The following ROS1 variants were observed in gnomAD, a reference collection of about 807,000 sequenced individuals.
ROS1 encodes proto-oncogene tyrosine-protein kinase ROS.
In ROS1, 263 loss-of-function variants were observed where a neutral mutation model predicts 273.5. That is an observed-to-expected ratio of 0.96 (90% CI 0.87 to 1.06). The LOEUF (loss-of-function observed/expected upper bound fraction) is 1.06, where lower values mean the gene tolerates loss of function less well. Among genes scored for constraint, ROS1 ranks in the 50% least tolerant of loss-of-function variants. ROS1 has a pLI of 0.00. For missense variants in ROS1, 2,833 were observed against 2,751.1 expected (o/e 1.03, Z -0.67); for synonymous variants, 1,008 against 954.1 (o/e 1.06, Z -1.04).
intron 16 of ROS1, 99 bp from the exon 17 acceptor site, chr6:117,383,607 T>G: frequency 3.2e-6 from 3 of 933,622 alleles, no homozygotes; most frequent in Non-Finnish European, 5.1e-6. Flanking sequence ...GATTAATCAT[T>G]CATTCATTCA....
At chr6:117,395,593 T>G (rs1773427233) in intron 9 of ROS1, among the ~76,000 whole-genome samples, 1 of 152,176 alleles carries the variant, frequency 6.6e-6, no homozygotes, top group South Asian at 2.1e-4. Context: ...CCAGTACTTC[T>G]TAGAAAGCAT....
chr6:117,331,150 G>A (rs534122328), intron 32 of ROS1, among the ~76,000 whole-genome samples: 23 of 152,226 alleles, frequency 1.5e-4, no homozygotes, highest in Middle Eastern at 6.8e-3. Context: ...AACACAAATG[G>A]CCTGATGGGG....
intron 18 of ROS1, among the ~76,000 whole-genome samples, chr6:117,371,545 A>C (rs1780771299): frequency 6.6e-6 from 1 of 152,152 alleles, no homozygotes; most frequent in African/African-American, 2.4e-5. Flanking sequence ...CTTTGTAAAA[A>C]TTTAAACCGA....
At chr6:117,370,215 T>C (rs1486691337) in intron 18 of ROS1, among the ~76,000 whole-genome samples, 1 of 152,242 alleles carries the variant, frequency 6.6e-6, no homozygotes, top group East Asian at 1.9e-4. Flanking sequence ...TATTGAACTT[T>C]AGGAGACTTT....
chr6:117,367,689 T>C (rs1421635855), intron 18 of ROS1, among the ~76,000 whole-genome samples: 1 of 152,220 alleles, frequency 6.6e-6, no homozygotes, highest in Non-Finnish European at 1.5e-5. Flanking sequence ...AGCCAATTAT[T>C]AAATGTTTGA....
At chr6:117,304,138 A>C (rs1774934111) in intron 42 of ROS1, among the ~76,000 whole-genome samples, 1 of 152,184 alleles carries the variant, frequency 6.6e-6, no homozygotes, top group Admixed American at 6.5e-5. Flanking sequence ...TCTATTTTTT[A>C]AAATTAGAAT....
At chr6:117,397,181 A>G (rs1390917149) in intron 7 of ROS1, 65 bp from the exon 8 acceptor site, 1 of 1,114,058 alleles carries the variant, frequency 9.0e-7, no homozygotes, top group Non-Finnish European at 1.3e-6. Context: ...TTAAAATAAG[A>G]TGGAAAAAAG....
chr6:117,349,083 T>A (rs1293868614), intron 27 of ROS1, among the ~76,000 whole-genome samples: 1 of 152,008 alleles, frequency 6.6e-6, no homozygotes, highest in African/African-American at 2.4e-5. Flanking sequence ...TAGATGTCCA[T>A]TACAGCCAAT....
intron 5 of ROS1, among the ~76,000 whole-genome samples, chr6:117,409,241 A>AT (rs1774693464): frequency 9.7e-6 from 1 of 103,272 alleles, no homozygotes; most frequent in African/African-American, 4.5e-5. Flanking sequence ...TAAAAAAGAG[A>AT]GAAAAAAAAC....
intron 18 of ROS1, among the ~76,000 whole-genome samples, chr6:117,367,220 T>A (rs1292611151): frequency 6.6e-6 from 1 of 152,094 alleles, no homozygotes; most frequent in African/African-American, 2.4e-5. Flanking sequence ...ATGCAATAAA[T>A]CATGATGGAG....
At chr6:117,306,388 T>C (rs573663443) in intron 42 of ROS1, among the ~76,000 whole-genome samples, 2 of 152,286 alleles carry the variant, frequency 1.3e-5, no homozygotes, top group Non-Finnish European at 2.9e-5. Flanking sequence ...CACTGTGATA[T>C]ATCTGTTATA....
chr6:117,337,083 T>C lies in ROS1; in HGVS notation c.5230+89A>G, dbSNP rs1777535147. 2.0e-5 allele frequency: 21 copies of C among 1,048,552 alleles called. No individual in the cohort carries two copies. The South Asian group carries it at 3.2e-4, about 16-fold the overall frequency. The allele number at this position is 1,048,552 out of a possible 1,614,324, so 65.0% of individuals were successfully genotyped here. A position where few individuals can be genotyped will look rare whatever the true frequency, so the allele number is the denominator to read the frequency against. On this transcript the variant is annotated intron_variant, in intron 32 of 43. Transcript: ENST00000368507. Reference sequence around the variant, plus strand: ...ATAATGTACTGCTTTTAAAGAACAATTTCATATATCTCTAGGATTAGTGAA... The same window carrying C: ...ATAATGTACTGCTTTTAAAGAACAACTTCATATATCTCTAGGATTAGTGAA...
rs180735396 is a variant in ROS1 at position 117,351,521 on chromosome 6, C to T, written c.4303+1469G>A. The stretch of plus-strand genomic sequence containing the variant: ...GAAGCCCTCCTATGACAGGATGCCC[C>T]TCGAGTTTCTAACTCTCAGAGTTAC... On this transcript the variant is annotated intron_variant, in intron 27 of 43. Coordinates refer to ENST00000368507, the MANE Select transcript of ROS1 (RefSeq NM_001378902.1). 2.2e-3 allele frequency among the ~76,000 whole-genome samples: 335 copies of T among 152,242 alleles called. 1 individual carries two copies. The highest frequency in any genetic ancestry group is 7.7e-3 in the African/African-American group (318 of 41,538).
At position 117,301,041 on chromosome 6, in the gene ROS1, G is replaced by C; in HGVS notation, c.6648C>G (p.Phe2216Leu). The part of the protein sequence containing the change: ...QDQLQLFRNF[F>L]LNSIYKSRDE... ...CTCTGGACTTATAAATGCTATTTAA[G>C]AAAAAATTTCTGAATAACTGAAGTT... Residue 2216 changes from phenylalanine (F) to leucine (L), a missense_variant, in exon 43 of 44, where the codon TTC (phenylalanine) becomes TTG (leucine). Coordinates refer to ENST00000368507, the MANE Select transcript of ROS1 (RefSeq NM_001378902.1). 1 of 1,606,310 alleles carries C rather than the reference G, an allele frequency of 6.2e-7. No individual in the cohort carries two copies. Among genetic ancestry groups the C allele is most frequent in the Non-Finnish European group, 8.5e-7 (1 of 1,176,886 alleles).
At chr6:117,362,492 A>G in intron 22 of ROS1, 111 bp downstream of exon 22, 1 of 973,940 alleles carries the variant, frequency 1.0e-6, no homozygotes, top group Non-Finnish European at 1.5e-6. Context: ...GCCAATCAAA[A>G]TCTAGGTATG....
At chr6:117,359,689 T>C in intron 24 of ROS1, 120 bp downstream of exon 24, 1 of 778,224 alleles carries the variant, frequency 1.3e-6, no homozygotes, top group African/African-American at 1.7e-5. Flanking sequence ...TTATACAATA[T>C]CTGTCCTTTT....
chr6:117,297,686 G>A (rs980210795), intron 43 of ROS1, among the ~76,000 whole-genome samples: 1 of 152,144 alleles, frequency 6.6e-6, no homozygotes. Flanking sequence ...TCCTCCCCGA[G>A]TCAGAATGGC....
intron 31 of ROS1, among the ~76,000 whole-genome samples, chr6:117,338,823 C>T (rs1777676050): frequency 6.6e-6 from 1 of 151,958 alleles, no homozygotes; most frequent in Non-Finnish European, 1.5e-5. Context: ...TTGTCAGAAG[C>T]CAACAAGTGC....
rs570637382 is a variant in ROS1 at position 117,342,163 on chromosome 6, T to G, written c.4651+237A>C. Among the ~76,000 whole-genome samples the G allele has an allele frequency of 1.1e-4, 16 of 152,272 alleles. No homozygotes were observed. The South Asian group carries it at 2.5e-3, about 24-fold the overall frequency. ...AATGTGTTTCTTGGTCAAACAATATTGATTTCAATGTTTTACCTCCTAGTT... is the reference window on the plus strand; with the variant it reads ...AATGTGTTTCTTGGTCAAACAATATGGATTTCAATGTTTTACCTCCTAGTT... On this transcript the variant is annotated intron_variant, in intron 29 of 43. Transcript: ENST00000368507.
Sources: gnomAD v4.1 joint callset for allele counts (sites outside exome capture counted in the v4.1 genomes callset) on GRCh38, gnomAD v4.1.1 for gene constraint, MANE v1.5 for transcripts, NCBI Gene and HGNC (gene_info 2026-07-23, HGNC 2026-07-21) for gene names.